The following NRXN3 variants were observed in gnomAD, a reference collection of about 807,000 sequenced individuals.
NRXN3 encodes neurexin 3.
NRXN3 carries 32 observed loss-of-function variants against 137.6 expected under a neutral mutation model. That is an observed-to-expected ratio of 0.23 (90% CI 0.18 to 0.31). The LOEUF (loss-of-function observed/expected upper bound fraction) is 0.31. NRXN3 is among the 10% of genes least tolerant of loss of function. NRXN3 has a pLI of 1.00. For missense variants in NRXN3, 1,574 were observed against 2,062.5 expected (o/e 0.76, Z 4.59); for synonymous variants, 798 against 784.5 (o/e 1.02, Z -0.29).
At chr14:78,535,307 G>C (rs2096524788) in intron 4 of NRXN3, among the ~76,000 whole-genome samples, 2 of 152,012 alleles carry the variant, frequency 1.3e-5, no homozygotes, top group African/African-American at 4.8e-5. Flanking sequence ...TTGAACTTGG[G>C]GCTTAGTTTC....
chr14:79,606,529 G>T (rs530409134), intron 16 of NRXN3, among the ~76,000 whole-genome samples: 4 of 152,146 alleles, frequency 2.6e-5, no homozygotes, highest in Non-Finnish European at 5.9e-5. Flanking sequence ...TTTCAACCAG[G>T]ATGGACCATC....
chr14:78,497,592 A>ATCCG (rs1293504130), intron 4 of NRXN3, among the ~76,000 whole-genome samples: 1 of 144,188 alleles, frequency 6.9e-6, no homozygotes, highest in Non-Finnish European at 1.5e-5. Flanking sequence ...TCATCCATCC[A>ATCCG]TCCATCCATC....
chr14:79,772,476 A>G (rs1173455242), intron 19 of NRXN3, among the ~76,000 whole-genome samples: 1 of 152,158 alleles, frequency 6.6e-6, no homozygotes, highest in Admixed American at 6.5e-5. Flanking sequence ...AATGCCGCAT[A>G]TCTACAACTA....
intron 6 of NRXN3, among the ~76,000 whole-genome samples, chr14:78,704,361 C>T (rs2098323897): frequency 6.6e-6 from 1 of 151,966 alleles, no homozygotes; most frequent in African/African-American, 2.4e-5. Flanking sequence ...TTTGAAAATC[C>T]TAGGGAAGGA....
chr14:79,221,901 C>T (rs1347345494), intron 15 of NRXN3, among the ~76,000 whole-genome samples: 2 of 152,138 alleles, frequency 1.3e-5, no homozygotes, highest in African/African-American at 2.4e-5. Context: ...ACGTTTAAGT[C>T]TTTAATCTAT....
intron 19 of NRXN3, among the ~76,000 whole-genome samples, chr14:79,746,739 A>T (rs572250496): frequency 1.3e-5 from 2 of 152,230 alleles, no homozygotes; most frequent in East Asian, 3.9e-4. Context: ...TTCAAAAGGC[A>T]TCATCTTCTA....
chr14:78,309,140 A>G (rs1457068918), intron 4 of NRXN3, among the ~76,000 whole-genome samples: 4 of 152,150 alleles, frequency 2.6e-5, no homozygotes, highest in Admixed American at 6.6e-5. Context: ...TTCTTTAAAA[A>G]CAATGCATTA....
At chr14:79,603,711 A>G (rs1011434684) in intron 16 of NRXN3, among the ~76,000 whole-genome samples, 1 of 151,826 alleles carries the variant, frequency 6.6e-6, no homozygotes, top group Non-Finnish European at 1.5e-5. Flanking sequence ...AAATGTTTGA[A>G]AAAAAAAATC....
Position 79,711,184 on chromosome 14 carries a change from T to G in NRXN3, c.4014+13247T>G, listed in dbSNP as rs1055513965. 5.3e-5 allele frequency among the ~76,000 whole-genome samples: 8 copies of G among 152,338 alleles called. No homozygotes were observed. In the South Asian group the frequency reaches 1.7e-3, roughly 32 times the overall value. On this transcript the variant is annotated intron_variant, in intron 19 of 20. Coordinates refer to ENST00000335750, the MANE Select transcript of NRXN3 (RefSeq NM_001330195.2). ...TCCTGGAGACTAAATTTGCAATGTT[T>G]ATGGCAAATATCTTCTTGTGTTGGT...
intron 16 of NRXN3, among the ~76,000 whole-genome samples, chr14:79,484,721 A>G (rs2096639850): frequency 6.6e-6 from 1 of 152,036 alleles, no homozygotes; most frequent in Admixed American, 6.5e-5. Context: ...TGTAAACAGC[A>G]CTCTGGAACG....
At chr14:78,795,645 G>T (rs902975677) in intron 8 of NRXN3, among the ~76,000 whole-genome samples, 8 of 152,116 alleles carry the variant, frequency 5.3e-5, no homozygotes, top group African/African-American at 1.9e-4. Context: ...TACCATTTGG[G>T]ACTAAGAAAA....
intron 15 of NRXN3, among the ~76,000 whole-genome samples, chr14:79,036,827 A>G (rs1283867569): frequency 1.3e-5 from 2 of 151,940 alleles, no homozygotes; most frequent in Non-Finnish European, 1.5e-5. Context: ...ATTGTTGACT[A>G]CCAAAATGAA....
intron 4 of NRXN3, among the ~76,000 whole-genome samples, chr14:78,588,988 C>T (rs2097092554): frequency 6.6e-6 from 1 of 152,198 alleles, no homozygotes; most frequent in Admixed American, 6.5e-5. Flanking sequence ...CTGTGGAAGA[C>T]ACAATAGTAT....
Position 79,694,469 on chromosome 14 carries a change from A to G in NRXN3, c.3706+2207A>G, listed in dbSNP as rs149026059. On this transcript the variant is annotated intron_variant, in intron 18 of 20. Coordinates refer to ENST00000335750, the MANE Select transcript of NRXN3 (RefSeq NM_001330195.2). ...AGTGTTTGTTATAACCAAATTTTGC[A>G]TTAAGAAAGATAAAATAGTTCTCAG... Among the ~76,000 whole-genome samples the G allele has an allele frequency of 1.7e-4, 26 of 152,102 alleles. No individual in the cohort carries two copies. In the East Asian group the frequency reaches 3.9e-3, roughly 23 times the overall value.
chr14:79,749,779 A>ATT (rs111721660), intron 19 of NRXN3, among the ~76,000 whole-genome samples: 15 of 150,348 alleles, frequency 1.0e-4, no homozygotes, highest in South Asian at 4.2e-4. Context: ...TGCACCAAAC[A>ATT]TTTTTTTTTA....
chr14:78,505,660 C>T (rs1484860367), intron 4 of NRXN3, among the ~76,000 whole-genome samples: 6 of 150,252 alleles, frequency 4.0e-5, no homozygotes, highest in Non-Finnish European at 1.5e-5. Context: ...TGTATACAAT[C>T]ATTTATCTAT....
chr14:78,904,665 G>A (rs1052031657), intron 10 of NRXN3, among the ~76,000 whole-genome samples: 9 of 151,996 alleles, frequency 5.9e-5, no homozygotes, highest in African/African-American at 2.2e-4. Flanking sequence ...GACCGTTCCA[G>A]TAAATTCAAA....
intron 4 of NRXN3, among the ~76,000 whole-genome samples, chr14:78,332,111 A>C (rs2080885154): frequency 6.6e-6 from 1 of 152,142 alleles, no homozygotes; most frequent in African/African-American, 2.4e-5. Flanking sequence ...CCTCTTCTAA[A>C]AAGGGAGTAA....
At chr14:78,780,875 A>T (rs1446384617) in intron 8 of NRXN3, among the ~76,000 whole-genome samples, 1 of 152,206 alleles carries the variant, frequency 6.6e-6, no homozygotes, top group Non-Finnish European at 1.5e-5. Context: ...TGAGGCAGCC[A>T]CTTTGAAATA....
Sources: allele counts gnomAD v4.1 joint callset (sites outside exome capture counted in the v4.1 genomes callset), GRCh38; gene constraint gnomAD v4.1.1; transcripts MANE v1.5; gene names NCBI Gene and HGNC (gene_info 2026-07-23, HGNC 2026-07-21).